Variants in MICAL2 observed in about 807,000 individuals in gnomAD.
MICAL2 encodes the protein microtubule associated monooxygenase, calponin and LIM domain containing 2.
MICAL2 carries 77 observed loss-of-function variants against 127.3 expected under a neutral mutation model. The observed-to-expected ratio is 0.60, with a 90% CI of 0.50 to 0.73. The LOEUF (loss-of-function observed/expected upper bound fraction) is 0.73, where lower values mean the gene tolerates loss of function less well. MICAL2 is among the 30% of genes least tolerant of loss of function. The pLI, the probability that MICAL2 is intolerant of heterozygous loss-of-function variation, is 0.00. For missense variants in MICAL2, 1,351 were observed against 1,434.4 expected, an observed-to-expected ratio of 0.94 and a Z score of 0.94; for synonymous variants, 570 against 551.1, an observed-to-expected ratio of 1.03 and a Z score of -0.48.
intron 26 of MICAL2, chr11:12,262,168 C>T: frequency 8.0e-7 from 1 of 1,250,646 alleles, no homozygotes; most frequent in Non-Finnish European, 1.0e-6. Context: ...AGGATGAATG[C>T]CTCTAGGCCT....
chr11:12,130,840 A>G (rs1051526430), intron 1 of MICAL2, among the ~76,000 whole-genome samples: 51 of 152,306 alleles, frequency 3.3e-4, no homozygotes, highest in Admixed American at 5.9e-4. Flanking sequence ...CAGACTGGGA[A>G]TTGGCAAACA....
At chr11:12,296,377 T>C (rs1863985694), downstream of MICAL2, among the ~76,000 whole-genome samples, 1 of 151,774 alleles carries the variant, frequency 6.6e-6, no homozygotes, top group African/African-American at 2.4e-5. Flanking sequence ...AACAAGAGAC[T>C]TTATTTTCAA....
intron 32 of MICAL2, among the ~76,000 whole-genome samples, chr11:12,345,164 T>C (rs1324169849): frequency 6.6e-6 from 1 of 151,736 alleles, no homozygotes; most frequent in East Asian, 1.9e-4. Flanking sequence ...TGTGAGTATT[T>C]AGAAAGAATT....
chr11:12,323,897 G>T, intron 30 of MICAL2: 1 of 1,451,894 alleles, frequency 6.9e-7, no homozygotes, highest in Non-Finnish European at 9.3e-7. Flanking sequence ...AGTTGGAGAG[G>T]GTAGAAGCCT....
chr11:12,144,072 C>T (rs1312215898), intron 2 of MICAL2, among the ~76,000 whole-genome samples: 1 of 152,086 alleles, frequency 6.6e-6, no homozygotes, highest in Admixed American at 6.5e-5. Flanking sequence ...GAACTTTGAG[C>T]CTGAATTGTC....
At chr11:12,191,997 C>T (rs1312811662) in intron 3 of MICAL2, among the ~76,000 whole-genome samples, 3 of 152,038 alleles carry the variant, frequency 2.0e-5, no homozygotes, top group Non-Finnish European at 1.5e-5. Flanking sequence ...TTCAGAGGTA[C>T]AAAAAATGGC....
At chr11:12,118,547 C>T (rs1439133554) in intron 1 of MICAL2, among the ~76,000 whole-genome samples, 1 of 152,196 alleles carries the variant, frequency 6.6e-6, no homozygotes, top group Non-Finnish European at 1.5e-5. Flanking sequence ...ATTTCCCCTT[C>T]CACTCTACTT....
chr11:12,331,116 G>A (rs60316749), intron 32 of MICAL2, among the ~76,000 whole-genome samples: 3,054 of 152,186 alleles, frequency 0.02, 71 homozygotes, highest in East Asian at 0.12. Context: ...TTGAGGCACT[G>A]TTACCTACTG....
intron 7 of MICAL2, among the ~76,000 whole-genome samples, chr11:12,214,300 T>G (rs2134206434): frequency 6.6e-6 from 1 of 152,348 alleles, no homozygotes; most frequent in South Asian, 2.1e-4. Context: ...AATCTGTATA[T>G]GGAAAATAAA....
At chr11:12,343,889 G>C (rs773739299) in intron 32 of MICAL2, among the ~76,000 whole-genome samples, 1 of 152,160 alleles carries the variant, frequency 6.6e-6, no homozygotes, top group East Asian at 1.9e-4. Context: ...ATCTAGATAC[G>C]TGGAAAAAAT....
At chr11:12,137,175 C>G (rs1851908164) in intron 1 of MICAL2, among the ~76,000 whole-genome samples, 1 of 152,224 alleles carries the variant, frequency 6.6e-6, no homozygotes, top group African/African-American at 2.4e-5. Flanking sequence ...CTGGCACAAG[C>G]CCCGAGGGGT....
intron 1 of MICAL2, among the ~76,000 whole-genome samples, chr11:12,128,842 G>C (rs1204085624): frequency 6.6e-6 from 1 of 152,174 alleles, no homozygotes; most frequent in East Asian, 1.9e-4. Flanking sequence ...CCTCAGTTTT[G>C]TCATCTGCAA....
At chr11:12,348,646 C>T (rs1328915450) in intron 32 of MICAL2, among the ~76,000 whole-genome samples, 3 of 152,148 alleles carry the variant, frequency 2.0e-5, no homozygotes, top group African/African-American at 7.2e-5. Context: ...TTATCTTAGA[C>T]TATTTTAGCA....
chr11:12,311,545 G>A (rs990186895), intron 29 of MICAL2, among the ~76,000 whole-genome samples: 3 of 152,148 alleles, frequency 2.0e-5, no homozygotes, highest in Non-Finnish European at 4.4e-5. Flanking sequence ...CAGAGTAGCT[G>A]GCACACGCCA....
intron 15 of MICAL2, among the ~76,000 whole-genome samples, chr11:12,229,758 G>A (rs2134361397): frequency 6.6e-6 from 1 of 152,338 alleles, no homozygotes; most frequent in East Asian, 1.9e-4. Flanking sequence ...CTTCCCTCTG[G>A]CTCTGCTAGA....
Position 12,226,292 on chromosome 11 carries a change from G to A in MICAL2, c.1810G>A (p.Glu604Lys). The A allele has an allele frequency of 6.2e-7, 1 of 1,614,222 alleles. No homozygotes were observed. Among genetic ancestry groups the A allele is most frequent in the East Asian group, 2.2e-5 (1 of 44,888 alleles). Residue 604 changes from glutamate (E) to lysine (K), a missense_variant, in exon 14 of 28, where the codon GAG (glutamate) becomes AAG (lysine). Coordinates refer to ENST00000683283, the MANE Select transcript of MICAL2 (RefSeq NM_001282663.2). ...TTGKEMASAQ[E>K]PDKLSMVMYL... ...GGGCAAAGAGATGGCATCTGCCCAG[G>A]AGCCTGACAAGCTCAGCATGGTCAT...
At chr11:12,287,206 CAGA>C (rs1863836577) in exon 3 of MICAL2, 1 of 398,866 alleles carries the variant, frequency 2.5e-6, no homozygotes, top group East Asian at 3.6e-5. Context: ...TGGGGCTGGG[CAGA>C]AGATCTCTGG....
chr11:12,159,817 G>T (rs1854573875), intron 2 of MICAL2, among the ~76,000 whole-genome samples: 1 of 152,222 alleles, frequency 6.6e-6, no homozygotes, highest in African/African-American at 2.4e-5. Flanking sequence ...CATGGGGAAA[G>T]TGGAGACATA....
chr11:12,222,109 G>A (rs570249715), intron 10 of MICAL2, among the ~76,000 whole-genome samples: 2 of 152,336 alleles, frequency 1.3e-5, no homozygotes, highest in South Asian at 2.1e-4. Flanking sequence ...TGAGTCTCCT[G>A]TCCTGGATGG....
Sources: allele counts gnomAD v4.1 joint callset (sites outside exome capture counted in the v4.1 genomes callset), GRCh38; gene constraint gnomAD v4.1.1; transcripts MANE v1.5; gene names NCBI Gene and HGNC (gene_info 2026-07-23, HGNC 2026-07-21).